The following AGO1 variants were observed in gnomAD, a reference collection of about 807,000 sequenced individuals.
The protein encoded by AGO1 is argonaute RISC component 1, also known as protein argonaute-1.
AGO1 carries 11 observed loss-of-function variants against 109.2 expected under a neutral mutation model. The ratio of observed to expected loss-of-function variants is 0.10; its 90% CI spans 0.06 to 0.17. The LOEUF (loss-of-function observed/expected upper bound fraction) is 0.17, where lower values mean the gene tolerates loss of function less well. Among genes scored for constraint, AGO1 ranks in the 10% least tolerant of loss-of-function variants. The pLI is 1.00. For missense variants in AGO1, 574 were observed against 1,140.3 expected (o/e 0.50, Z 7.15); for synonymous variants, 422 against 418.6 (o/e 1.01, Z -0.10).
chr1:35,904,520 C>T (rs1020938689), intron 11 of AGO1, among the ~76,000 whole-genome samples: 1 of 152,172 alleles, frequency 6.6e-6, no homozygotes, highest in African/African-American at 2.4e-5. Context: ...TCTCTATGTG[C>T]TCTTGTCTTT....
Position 35,894,413 on chromosome 1 carries a change from A to T in AGO1, c.872+11A>T, listed in dbSNP as rs1645280193. On this transcript the variant is annotated intron_variant, in intron 7 of 18. Coordinates refer to ENST00000373204, the MANE Select transcript of AGO1 (RefSeq NM_012199.5). ...TGCTAGCCATCAGACGTAAGTTGGC[A>T]GGGGTGCTGAGTCATACTTTGTTGG... The T allele has an allele frequency of 6.2e-7, 1 of 1,613,506 alleles. No homozygotes were observed. The highest frequency in any genetic ancestry group is 1.7e-5 in the Admixed American group (1 of 59,938).
In AGO1 at chr1:35,884,296, C is replaced by T. The variant is rs114315295; in HGVS notation, c.25+850C>T. 6.7e-3 allele frequency among the ~76,000 whole-genome samples: 1,020 copies of T among 152,130 alleles called. 12 individuals are homozygous for T. Among genetic ancestry groups the T allele is most frequent in the African/African-American group, 0.023 (969 of 41,480 alleles). On this transcript the variant is annotated intron_variant, in intron 1 of 18. Coordinates refer to ENST00000373204, the MANE Select transcript of AGO1 (RefSeq NM_012199.5). ...TTTTCTGCCACAGGAAAGACTGGGA[C>T]CGAAGCGATGGGTTCTGGGGGTGGG...
At chr1:35,876,365 C>G (rs1644992783) in intron 1 of AGO1, among the ~76,000 whole-genome samples, 1 of 151,216 alleles carries the variant, frequency 6.6e-6, no homozygotes, top group African/African-American at 2.4e-5. Flanking sequence ...CTACTGGGTT[C>G]ACACCATTCT....
chr1:35,903,918 G>T (rs1385404151), intron 11 of AGO1, among the ~76,000 whole-genome samples: 1 of 151,452 alleles, frequency 6.6e-6, no homozygotes, highest in African/African-American at 2.4e-5. Flanking sequence ...AGCTAAGGTT[G>T]TGCCACTGCC....
At chr1:35,903,740 G>A (rs1017885957) in intron 11 of AGO1, among the ~76,000 whole-genome samples, 20 of 151,892 alleles carry the variant, frequency 1.3e-4, no homozygotes, top group East Asian at 5.9e-4. Flanking sequence ...TGAGGCGGGC[G>A]GATCACAAGG....
chr1:35,929,868 G>A lies in AGO1; in HGVS notation c.*10261G>A, dbSNP rs765512570. The stretch of plus-strand genomic sequence containing the variant: ...TTACCTAACCTTACAAACTGTGTAA[G>A]GTACATGCTGTTCTCTCAATTTTTC... On this transcript the variant is annotated 3_prime_UTR_variant, in exon 19 of 19. Transcript: ENST00000373204. The A allele has an allele frequency of 2.6e-5, 4 of 152,088 alleles. No homozygotes were observed. The highest frequency in any genetic ancestry group is 5.9e-5 in the Non-Finnish European group (4 of 68,030). 9.4% of individuals were successfully genotyped at this position (152,088 alleles called of 1,614,324 possible).
intron 12 of AGO1, among the ~76,000 whole-genome samples, chr1:35,913,188 T>G (rs1469244606): frequency 1.3e-5 from 2 of 151,894 alleles, no homozygotes; most frequent in African/African-American, 2.4e-5. Flanking sequence ...CCTGGCTAAT[T>G]TTTTGTATTT....
At chr1:35,880,326 G>T (rs1264601667), upstream of AGO1, among the ~76,000 whole-genome samples, 8 of 152,078 alleles carry the variant, frequency 5.3e-5, no homozygotes, top group African/African-American at 9.7e-5. Context: ...GAGGCAGGGG[G>T]ATTGCTTGAG....
intron 1 of AGO1, among the ~76,000 whole-genome samples, chr1:35,887,498 G>C (rs946175383): frequency 3.9e-5 from 6 of 152,130 alleles, no homozygotes; most frequent in Non-Finnish European, 7.3e-5. Flanking sequence ...GGCCTCCTCT[G>C]TCTTGAAATT....
chr1:35,894,480 C>G, intron 7 of AGO1, 78 bp downstream of exon 7: 1 of 1,398,206 alleles, frequency 7.2e-7, no homozygotes, highest in Non-Finnish European at 9.9e-7. Context: ...CCCTCCCTCC[C>G]TCCCCCACTG....
At position 35,921,955 on chromosome 1, in the gene AGO1, G is replaced by C. The variant is rs1018878974; in HGVS notation, c.*2348G>C. The C allele has an allele frequency of 6.5e-6, 1 of 152,754 alleles. No individual in the cohort carries two copies. Among genetic ancestry groups the C allele is most frequent in the African/African-American group, 2.4e-5 (1 of 41,472 alleles). The allele number at this position is 152,754 out of a possible 1,614,324, so 9.5% of individuals were successfully genotyped here. On this transcript the variant is annotated 3_prime_UTR_variant, in exon 19 of 19. Coordinates refer to ENST00000373204, the MANE Select transcript of AGO1 (RefSeq NM_012199.5). ...TGCCTTCATATACAGTCTACTTCGTGTTCTGTCACCCTTTGGGGAGGGGAG... is the reference window on the plus strand; with the variant it reads ...TGCCTTCATATACAGTCTACTTCGTCTTCTGTCACCCTTTGGGGAGGGGAG...
At chr1:35,903,736 G>A (rs890802134) in intron 11 of AGO1, among the ~76,000 whole-genome samples, 7 of 151,758 alleles carry the variant, frequency 4.6e-5, no homozygotes, top group South Asian at 2.1e-4. Context: ...AGGCTGAGGC[G>A]GGCGGATCAC....
At chr1:35,891,014 C>T (rs1008690710) in intron 2 of AGO1, among the ~76,000 whole-genome samples, 4 of 152,176 alleles carry the variant, frequency 2.6e-5, no homozygotes, top group Non-Finnish European at 5.9e-5. Context: ...GCCTTGCGTA[C>T]TATCCTCTGC....
Position 35,883,684 on chromosome 1 carries a change from T to C in AGO1, c.25+238T>C, listed in dbSNP as rs532596310. ...ATACAGTCCTGCGGGTTGGAAGTAA[T>C]CTGGGAGAAGGGCCTGCACGCACGG... is the stretch of plus-strand genomic sequence containing the variant. On this transcript the variant is annotated intron_variant, in intron 1 of 18. Transcript: ENST00000373204. This position sits in a 1 kb window ranked among gnomAD's most constrained non-coding sequence, Gnocchi z 5.4. 6.6e-6 allele frequency among the ~76,000 whole-genome samples: 1 copy of C among 152,232 alleles called. No individual in the cohort carries two copies. Among genetic ancestry groups the C allele is most frequent in the African/African-American group, 2.4e-5 (1 of 41,550 alleles).
At chr1:35,881,973 A>G (rs11584005), upstream of AGO1, among the ~76,000 whole-genome samples, 3,701 of 152,324 alleles carry the variant, frequency 0.024, 59 homozygotes, top group Middle Eastern at 0.044. Context: ...AGCATAAGAA[A>G]CCATCAGAAT....
Position 35,888,512 on chromosome 1 carries a change from G to A in AGO1, c.111G>A (p.Lys37=). 4 of 1,614,222 alleles carry A rather than the reference G, an allele frequency of 2.5e-6. No individual in the cohort carries two copies. The highest frequency in any genetic ancestry group is 3.4e-6 in the Non-Finnish European group (4 of 1,180,044). Residue 37 remains lysine, a synonymous_variant, in exon 2 of 19, where the codon AAG becomes AAA. Coordinates refer to ENST00000373204, the MANE Select transcript of AGO1 (RefSeq NM_012199.5). This position sits in a 1 kb window ranked among gnomAD's most constrained non-coding sequence, Gnocchi z 4.1. ...TTGGCACTGTGGGGAAACCAATCAA[G>A]CTCCTGGCCAATTACTTTGAGGTGG... ...PGIGTVGKPI[K]LLANYFEVDI...
chr1:35,872,800 G>A (rs1034790289), intron 1 of AGO1, among the ~76,000 whole-genome samples: 14 of 151,982 alleles, frequency 9.2e-5, no homozygotes, highest in Admixed American at 6.6e-4. Context: ...CTTGAACTCT[G>A]GGCCTCAAGC....
At chr1:35,882,910 C>T (rs891165860), upstream of AGO1, 31 of 984,994 alleles carry the variant, frequency 3.1e-5, no homozygotes, top group African/African-American at 4.9e-4. This position sits in a 1 kb window ranked among gnomAD's most constrained non-coding sequence, Gnocchi z 5.1. Flanking sequence ...GCGCGCAGCT[C>T]GGTGCGACAG....
upstream of AGO1, among the ~76,000 whole-genome samples, chr1:35,880,401 A>G (rs1324013354): frequency 6.6e-6 from 1 of 152,134 alleles, no homozygotes; most frequent in Non-Finnish European, 1.5e-5. Flanking sequence ...AAGTAAGTAA[A>G]TAAATAAATA....
Sources: gnomAD v4.1 joint callset for allele counts (sites outside exome capture counted in the v4.1 genomes callset) on GRCh38, gnomAD v4.1.1 for gene constraint, Gnocchi (gnomAD v3.1) non-coding constraint, MANE v1.5 for transcripts, NCBI Gene and HGNC (gene_info 2026-07-23, HGNC 2026-07-21) for gene names.